The following PTN variants were observed in gnomAD, a reference collection of about 807,000 sequenced individuals.
The protein encoded by PTN is heparin affin regulatory protein.
In PTN, 18 loss-of-function variants were observed where a neutral mutation model predicts 24.1. The observed-to-expected ratio is 0.75, with a 90% CI of 0.52 to 1.11. The LOEUF is 1.11. Ranked by LOEUF, PTN falls within the 50% of genes least tolerant of loss-of-function variation. The probability of loss-of-function intolerance (pLI) is 0.00; values close to 1 mark genes in which losing one functional copy is unlikely to be tolerated. For synonymous variants in PTN, 78 were observed against 68.6 expected (o/e 1.14, Z -0.67); for missense variants, 163 against 198.8 (o/e 0.82, Z 1.08).
In PTN at chr7:137,251,338, G is replaced by A; in HGVS notation, c.343C>T (p.Leu115=). 1 of 1,614,086 alleles carries A rather than the reference G, an allele frequency of 6.2e-7. No homozygotes were observed. Among genetic ancestry groups the A allele is most frequent in the Non-Finnish European group, 8.5e-7 (1 of 1,180,004 alleles). ...TTCAGACTTCCAGTTCTGGTCTTCA[G>A]GGCTGTGTTCAGGTCACATTCTCCC... ...AWGECDLNTA[L]KTRTGSLKRA... The change falls in exon 4 of 5, where the codon CTG becomes TTG. Residue 115 remains leucine (L), a synonymous_variant. Coordinates refer to ENST00000348225, the MANE Select transcript of PTN (RefSeq NM_002825.7).
rs36009703 is a variant in PTN at position 137,310,390 on chromosome 7, GTT to G, written c.-2+33047_-2+33048del. ...AGTGTCTTCAAATTCAAGTTACCAT[GTT>G]TTTTTTTTTTTGTTTTTTTTTTTTT... On this transcript the variant is annotated intron_variant, in intron 1 of 4. Transcript: ENST00000348225. Among the ~76,000 whole-genome samples, 92 of 137,132 alleles carry G rather than the reference GTT, an allele frequency of 6.7e-4. 1 individual carries two copies. The highest frequency in any genetic ancestry group is 1.3e-3 in the East Asian group (6 of 4,598). 90.0% of individuals were successfully genotyped at this position (137,132 alleles called of 152,430 possible).
intron 1 of PTN, among the ~76,000 whole-genome samples, chr7:137,265,162 T>C (rs1299813017): frequency 2.6e-5 from 4 of 152,184 alleles, no homozygotes; most frequent in Non-Finnish European, 1.5e-5. Context: ...AATTAAATCC[T>C]GTAGCTATTT....
chr7:137,302,934 G>C (rs1159570978), intron 1 of PTN, among the ~76,000 whole-genome samples: 1 of 150,980 alleles, frequency 6.6e-6, no homozygotes, highest in African/African-American at 2.5e-5. Flanking sequence ...AATAACTATT[G>C]CTTGTATGGT....
chr7:137,331,227 T>C lies in PTN; in HGVS notation c.-2+12212A>G, dbSNP rs117442678. On this transcript the variant is annotated intron_variant, in intron 1 of 4. Transcript: ENST00000348225. Reference sequence around the variant, plus strand: ...ATCTGTCTGTTTAGAGAGAAATTGGTAGAAATCCACATCTACCCCCTTATT... The same window carrying C: ...ATCTGTCTGTTTAGAGAGAAATTGGCAGAAATCCACATCTACCCCCTTATT... 1.4e-3 allele frequency among the ~76,000 whole-genome samples: 219 copies of C among 152,276 alleles called. 1 individual carries two copies. The highest frequency in any genetic ancestry group is 2.6e-3 in the Admixed American group (40 of 15,294).
intron 4 of PTN, among the ~76,000 whole-genome samples, chr7:137,248,458 G>T (rs1808763013): frequency 6.6e-6 from 1 of 152,124 alleles, no homozygotes; most frequent in Admixed American, 6.6e-5. Context: ...GGCCAAGGCG[G>T]GTGTATCATT....
At chr7:137,328,044 A>G (rs1462867881) in intron 1 of PTN, among the ~76,000 whole-genome samples, 6 of 152,196 alleles carry the variant, frequency 3.9e-5, no homozygotes, top group Non-Finnish European at 1.5e-5. Flanking sequence ...CAGTTTGGTA[A>G]GGAAATCACT....
In PTN at chr7:137,269,624, A is replaced by ATTTTTTTTT. The variant is rs869311084; in HGVS notation, c.-1-14659_-1-14651dup. 2.4e-3 allele frequency among the ~76,000 whole-genome samples: 154 copies of ATTTTTTTTT among 63,006 alleles called. 34 individuals carry two copies. Among genetic ancestry groups the ATTTTTTTTT allele is most frequent in the African/African-American group, 0.011 (149 of 13,420 alleles). 41.3% of individuals were successfully genotyped at this position (63,006 alleles called of 152,430 possible). A position where few individuals can be genotyped will look rare whatever the true frequency, so the allele number is the denominator to read the frequency against. The stretch of plus-strand genomic sequence containing the variant: ...TGCTATCTGTCAAGCTGCTTCATCT[A>ATTTTTTTTT]TTTTTTTTTTTTTTTTTTTTTTTTT... On this transcript the variant is annotated intron_variant, in intron 1 of 4. Coordinates refer to ENST00000348225, the MANE Select transcript of PTN (RefSeq NM_002825.7).
chr7:137,279,978 T>TAA (rs772401046), intron 1 of PTN, among the ~76,000 whole-genome samples: 15 of 152,222 alleles, frequency 9.9e-5, no homozygotes, highest in Non-Finnish European at 1.8e-4. Context: ...CTTATCAAAT[T>TAA]AATTGAATAT....
At chr7:137,269,177 A>G (rs1417684798) in intron 1 of PTN, among the ~76,000 whole-genome samples, 2 of 152,214 alleles carry the variant, frequency 1.3e-5, no homozygotes, top group East Asian at 1.9e-4. Flanking sequence ...GTTCTTTCAT[A>G]TAATGGTGGA....
At chr7:137,342,566 T>C (rs752859254) in intron 1 of PTN, among the ~76,000 whole-genome samples, 5 of 151,782 alleles carry the variant, frequency 3.3e-5, no homozygotes, top group Admixed American at 6.6e-5. Flanking sequence ...CATTATGTCA[T>C]GGAGAAAGGG....
chr7:137,320,185 T>C (rs1810139992), intron 1 of PTN, among the ~76,000 whole-genome samples: 1 of 152,214 alleles, frequency 6.6e-6, no homozygotes, highest in African/African-American at 2.4e-5. Flanking sequence ...AAAACAGTCT[T>C]CTACTTTTGT....
chr7:137,282,821 A>G (rs965706406), intron 1 of PTN, among the ~76,000 whole-genome samples: 2 of 152,204 alleles, frequency 1.3e-5, no homozygotes, highest in African/African-American at 4.8e-5. Flanking sequence ...AATAATTTCC[A>G]AAAGCAAAAT....
At chr7:137,339,622 C>T (rs1340946801) in intron 1 of PTN, among the ~76,000 whole-genome samples, 1 of 149,650 alleles carries the variant, frequency 6.7e-6, no homozygotes, top group Non-Finnish European at 1.5e-5. Context: ...AGAGAGGGCA[C>T]TGGTGTTGAA....
chr7:137,239,288 T>C (rs1439577232), intron 4 of PTN, among the ~76,000 whole-genome samples: 1 of 152,206 alleles, frequency 6.6e-6, no homozygotes, highest in Non-Finnish European at 1.5e-5. Flanking sequence ...CAGGACAATT[T>C]AGTTGGATAC....
chr7:137,260,936 G>A (rs1254225935), intron 1 of PTN, among the ~76,000 whole-genome samples: 3 of 152,008 alleles, frequency 2.0e-5, no homozygotes, highest in African/African-American at 4.8e-5. Context: ...ATAAAGAAAT[G>A]TTTTCCTTCA....
At chr7:137,244,283 T>C (rs944317916) in intron 4 of PTN, among the ~76,000 whole-genome samples, 1 of 152,068 alleles carries the variant, frequency 6.6e-6, no homozygotes, top group Non-Finnish European at 1.5e-5. Flanking sequence ...GATGTGCACA[T>C]TTCAATTCTT....
At chr7:137,324,877 G>C (rs757023744) in intron 1 of PTN, 2 of 152,156 alleles carry the variant, frequency 1.3e-5, no homozygotes, top group Non-Finnish European at 2.9e-5. Context: ...TTTGTGAATA[G>C]TAAAATATTA....
chr7:137,275,945 A>C (rs1443710697), intron 1 of PTN, among the ~76,000 whole-genome samples: 1 of 152,246 alleles, frequency 6.6e-6, no homozygotes, highest in African/African-American at 2.4e-5. Flanking sequence ...TGTTCAGATG[A>C]AGTGACTCAA....
intron 1 of PTN, among the ~76,000 whole-genome samples, chr7:137,302,300 C>T (rs537792308): frequency 8.5e-4 from 130 of 152,078 alleles, no homozygotes; most frequent in African/African-American, 2.9e-3. Flanking sequence ...ACAGAGGCAA[C>T]GTACCATGTC....
Sources: gnomAD v4.1 joint callset for allele counts (sites outside exome capture counted in the v4.1 genomes callset) on GRCh38, gnomAD v4.1.1 for gene constraint, MANE v1.5 for transcripts, NCBI Gene and HGNC (gene_info 2026-07-23, HGNC 2026-07-21) for gene names.